SYT1: variants seen among roughly 807,000 people sequenced by gnomAD.
The protein encoded by SYT1 is synaptotagmin-1.
A neutral mutation model predicts 44.8 loss-of-function variants in SYT1; 8 were observed. The ratio of observed to expected loss-of-function variants is 0.18; its 90% CI spans 0.10 to 0.32. The LOEUF is 0.32. SYT1 is among the 10% of genes least tolerant of loss of function. SYT1 has a pLI of 1.00. For missense variants in SYT1, 286 were observed against 509.3 expected (o/e 0.56, Z 4.22); for synonymous variants, 154 against 188.8 (o/e 0.82, Z 1.51).
At chr12:78,878,287 TAG>T (rs775453811) in intron 1 of SYT1, among the ~76,000 whole-genome samples, 1 of 151,788 alleles carries the variant, frequency 6.6e-6, no homozygotes, top group Non-Finnish European at 1.5e-5. Context: ...CATAGGTATT[TAG>T]AGTTTTGTAT....
intron 3 of SYT1, among the ~76,000 whole-genome samples, chr12:79,200,179 G>A (rs927051246): frequency 1.1e-4 from 16 of 152,064 alleles, no homozygotes; most frequent in African/African-American, 2.2e-4. Context: ...ATTCTGAACC[G>A]TTTCCAAGAC....
intron 4 of SYT1, among the ~76,000 whole-genome samples, chr12:79,232,392 C>T (rs2138621423): frequency 6.6e-6 from 1 of 152,192 alleles, no homozygotes; most frequent in East Asian, 1.9e-4. Context: ...ATGCTCTAGC[C>T]TCCTCTTCAA....
intron 1 of SYT1, among the ~76,000 whole-genome samples, chr12:78,902,196 G>GTATATA (rs34023787): frequency 2.7e-5 from 4 of 149,114 alleles, no homozygotes; most frequent in African/African-American, 9.8e-5. Context: ...TAATAAATAT[G>GTATATA]TATATATATA....
chr12:79,314,038 G>A (rs889579799), intron 8 of SYT1, among the ~76,000 whole-genome samples: 4 of 150,642 alleles, frequency 2.7e-5, no homozygotes, highest in South Asian at 2.1e-4. Context: ...GCGTGGTAGC[G>A]GGCGCCTGTA....
intron 9 of SYT1, among the ~76,000 whole-genome samples, chr12:79,422,004 T>G (rs925652412): frequency 6.6e-6 from 1 of 152,118 alleles, no homozygotes; most frequent in Admixed American, 6.6e-5. Flanking sequence ...GCTTTTGAAC[T>G]CCAATCTGTC....
At chr12:78,967,455 T>C (rs1868274552) in intron 1 of SYT1, among the ~76,000 whole-genome samples, 2 of 152,008 alleles carry the variant, frequency 1.3e-5, no homozygotes. Context: ...ACTGATAGAA[T>C]AGAAGGAAAA....
intron 1 of SYT1, among the ~76,000 whole-genome samples, chr12:78,940,411 G>C (rs566712615): frequency 1.3e-5 from 2 of 152,206 alleles, no homozygotes; most frequent in African/African-American, 2.4e-5. Flanking sequence ...ATTTTAAAGA[G>C]ACAGTGACTT....
chr12:79,419,278 A>G (rs764628964), intron 9 of SYT1: 4 of 526,162 alleles, frequency 7.6e-6, no homozygotes, highest in Non-Finnish European at 1.2e-5. Flanking sequence ...AATTGAATTC[A>G]TTTAGAAAAG....
intron 4 of SYT1, among the ~76,000 whole-genome samples, chr12:79,238,137 A>G (rs1876294697): frequency 6.7e-6 from 1 of 149,236 alleles, no homozygotes; most frequent in African/African-American, 2.5e-5. Context: ...CTTGGTGTAC[A>G]ATATATTGTA....
chr12:79,329,794 C>T lies in SYT1; in HGVS notation c.811-23708C>T, dbSNP rs1331872073. On this transcript the variant is annotated intron_variant, in intron 8 of 10. Coordinates refer to ENST00000261205, the MANE Select transcript of SYT1 (RefSeq NM_005639.3). ...TGTAACCTAACAGGTGCTTCACTCA[C>T]ACAGCCATCTCTACACTGTATCCAT... is the stretch of plus-strand genomic sequence containing the variant. Among the ~76,000 whole-genome samples, 3 of 152,172 alleles carry T rather than the reference C, an allele frequency of 2.0e-5. No individual in the cohort carries two copies. In the East Asian group the frequency reaches 5.8e-4, roughly 29 times the overall value.
At chr12:79,261,186 G>A (rs571615464) in intron 4 of SYT1, among the ~76,000 whole-genome samples, 1 of 152,290 alleles carries the variant, frequency 6.6e-6, no homozygotes, top group South Asian at 2.1e-4. Flanking sequence ...CCCAGCAGGA[G>A]AATATAAATG....
intron 1 of SYT1, among the ~76,000 whole-genome samples, chr12:78,945,390 T>C (rs1878597911): frequency 1.3e-5 from 2 of 151,650 alleles, no homozygotes; most frequent in Non-Finnish European, 2.9e-5. Context: ...ATATTACACA[T>C]ATGATATGCA....
At chr12:79,123,605 TA>T (rs1394795769) in intron 3 of SYT1, among the ~76,000 whole-genome samples, 1 of 152,138 alleles carries the variant, frequency 6.6e-6, no homozygotes, top group Non-Finnish European at 1.5e-5. Context: ...ATTTACTGCA[TA>T]AATCCAATAC....
At chr12:79,397,498 G>C (rs971080206) in intron 9 of SYT1, among the ~76,000 whole-genome samples, 62 of 152,126 alleles carry the variant, frequency 4.1e-4, no homozygotes, top group African/African-American at 1.3e-3. Flanking sequence ...AAAGTGTTGC[G>C]ATTACAGGCT....
chr12:79,377,915 T>C (rs2136065175), intron 9 of SYT1, among the ~76,000 whole-genome samples: 1 of 152,234 alleles, frequency 6.6e-6, no homozygotes, highest in East Asian at 1.9e-4. Context: ...CCACCAAAAT[T>C]ATATTCTTAT....
intron 1 of SYT1, among the ~76,000 whole-genome samples, chr12:78,933,936 G>A (rs1006776328): frequency 2.0e-5 from 3 of 152,090 alleles, no homozygotes; most frequent in Non-Finnish European, 4.4e-5. Flanking sequence ...AGGAATCTCA[G>A]TAGGAGAAAT....
rs555893806 is a variant in SYT1 at position 79,163,569 on chromosome 12, G to A, written c.-17-53934G>A. ...AGGAACTAAGATGTAAAGAACTTGAGTAGCCTCACAAGGTCAGTAATTGTC... is the reference window on the plus strand; with the variant it reads ...AGGAACTAAGATGTAAAGAACTTGAATAGCCTCACAAGGTCAGTAATTGTC... On this transcript the variant is annotated intron_variant, in intron 3 of 10. Transcript: ENST00000261205. Among the ~76,000 whole-genome samples, 4 of 152,206 alleles carry A rather than the reference G, an allele frequency of 2.6e-5. No homozygotes were observed. In the East Asian group the frequency reaches 7.7e-4, roughly 29 times the overall value.
intron 4 of SYT1, among the ~76,000 whole-genome samples, chr12:79,218,878 G>A (rs1218024941): frequency 3.3e-5 from 5 of 152,142 alleles, no homozygotes; most frequent in Non-Finnish European, 7.4e-5. Context: ...GATACATACC[G>A]GGTAGTAGGA....
At chr12:79,012,409 T>A (rs1458661820) in intron 2 of SYT1, among the ~76,000 whole-genome samples, 2 of 152,168 alleles carry the variant, frequency 1.3e-5, no homozygotes, top group Non-Finnish European at 2.9e-5. Context: ...CTGGATGATA[T>A]CTTACTTTTT....
Sources: gnomAD v4.1 joint callset for allele counts (sites outside exome capture counted in the v4.1 genomes callset) on GRCh38, gnomAD v4.1.1 for gene constraint, MANE v1.5 for transcripts, NCBI Gene and HGNC (gene_info 2026-07-23, HGNC 2026-07-21) for gene names.